XRCC4: variants seen among roughly 807,000 people sequenced by gnomAD.
XRCC4 encodes DNA repair protein XRCC4.
A neutral mutation model predicts 39.1 loss-of-function variants in XRCC4; 28 were observed. That is an observed-to-expected ratio of 0.72 (90% CI 0.53 to 0.98). The LOEUF (loss-of-function observed/expected upper bound fraction) is 0.98. Among genes scored for constraint, XRCC4 ranks in the 50% least tolerant of loss-of-function variants. The pLI is 0.00. For synonymous variants in XRCC4, 123 were observed against 126.4 expected, an observed-to-expected ratio of 0.97 and a Z score of 0.18; for missense variants, 350 against 376.4, an observed-to-expected ratio of 0.93 and a Z score of 0.58.
At chr5:83,146,788 C>G (rs1316145029) in intron 3 of XRCC4, among the ~76,000 whole-genome samples, 2 of 152,274 alleles carry the variant, frequency 1.3e-5, no homozygotes, top group East Asian at 3.9e-4. Context: ...TCCATTATTT[C>G]TCTTATTTTT....
At chr5:83,173,711 A>T (rs1309959891) in intron 3 of XRCC4, among the ~76,000 whole-genome samples, 1 of 152,158 alleles carries the variant, frequency 6.6e-6, no homozygotes. Flanking sequence ...TATAGGACTA[A>T]TATGTAGTGA....
chr5:83,351,740 C>T (rs913375473), intron 7 of XRCC4, among the ~76,000 whole-genome samples: 7 of 152,130 alleles, frequency 4.6e-5, no homozygotes, highest in African/African-American at 1.4e-4. Context: ...AATTGGCTTG[C>T]TCAGAATAAG....
chr5:83,159,751 A>C (rs1223540480), intron 3 of XRCC4, among the ~76,000 whole-genome samples: 2 of 152,214 alleles, frequency 1.3e-5, no homozygotes, highest in East Asian at 3.8e-4. Flanking sequence ...CAATGCATTG[A>C]AACATTGTTG....
intron 6 of XRCC4, among the ~76,000 whole-genome samples, chr5:83,256,798 T>C (rs1303814419): frequency 6.6e-6 from 1 of 152,124 alleles, no homozygotes; most frequent in African/African-American, 2.4e-5. Flanking sequence ...ATTTACCAAC[T>C]AGGAAAAAAT....
chr5:83,119,918 A>G (rs1746916947), intron 3 of XRCC4, among the ~76,000 whole-genome samples: 1 of 150,426 alleles, frequency 6.6e-6, no homozygotes, highest in African/African-American at 2.4e-5. Flanking sequence ...TTGAGGCTGC[A>G]GTGAGATAAG....
At chr5:83,321,851 C>G (rs1055973665) in intron 7 of XRCC4, among the ~76,000 whole-genome samples, 8 of 151,666 alleles carry the variant, frequency 5.3e-5, no homozygotes, top group Non-Finnish European at 1.0e-4. Flanking sequence ...TCCTTATTAT[C>G]CATGATTAAG....
Position 83,111,142 on chromosome 5 carries a change from C to A in XRCC4, c.254C>A (p.Thr85Lys), listed in dbSNP as rs756247552. The A allele has an allele frequency of 1.2e-6, 2 of 1,604,606 alleles. No homozygotes were observed. Among genetic ancestry groups the A allele is most frequent in the Non-Finnish European group, 1.7e-6 (2 of 1,176,630 alleles). Residue 85 changes from threonine (T) to lysine (K), a missense_variant, in exon 3 of 8, where the codon ACG (threonine) becomes AAG (lysine). By Grantham distance (78) the Thr-to-Lys change is moderately conservative (BLOSUM62 -1). Coordinates refer to ENST00000396027, the MANE Select transcript of XRCC4 (RefSeq NM_003401.5). ...GGAGCAGGACCAGCTGATGTATACACGTTTAATTTTTCTAAAGAGTCTTGT... is the reference window on the plus strand; with the variant it reads ...GGAGCAGGACCAGCTGATGTATACAAGTTTAATTTTTCTAAAGAGTCTTGT... ...LSGAGPADVY[T>K]FNFSKESCYF...
intron 3 of XRCC4, among the ~76,000 whole-genome samples, chr5:83,194,677 A>G (rs1382595130): frequency 6.6e-6 from 1 of 152,170 alleles, no homozygotes; most frequent in Non-Finnish European, 1.5e-5. Context: ...AACAAAATCA[A>G]TTCTCATTTT....
At chr5:83,080,753 T>C (rs1466719220) in intron 1 of XRCC4, among the ~76,000 whole-genome samples, 1 of 152,170 alleles carries the variant, frequency 6.6e-6, no homozygotes, top group African/African-American at 2.4e-5. Flanking sequence ...CTTATTTTAC[T>C]TAATTATTGC....
chr5:83,256,578 A>C (rs1298885977), intron 6 of XRCC4, among the ~76,000 whole-genome samples: 8 of 151,952 alleles, frequency 5.3e-5, no homozygotes, highest in Non-Finnish European at 1.0e-4. Context: ...ATATACTTGT[A>C]CTTTCATTAG....
At chr5:83,273,252 G>A (rs1415271898) in intron 7 of XRCC4, among the ~76,000 whole-genome samples, 1 of 152,064 alleles carries the variant, frequency 6.6e-6, no homozygotes, top group African/African-American at 2.4e-5. Context: ...CATATCCTTT[G>A]CCTACTTTTT....
At position 83,276,066 on chromosome 5, in the gene XRCC4, T is replaced by C. The variant is rs28360268; in HGVS notation, c.893+17389T>C. Among the ~76,000 whole-genome samples the C allele has an allele frequency of 5.9e-4, 90 of 152,306 alleles. 1 individual carries two copies. The highest frequency in any genetic ancestry group is 1.2e-3 in the Non-Finnish European group (80 of 68,026). ...GTCTTGACTTAGGATTTTTTGACTT[T>C]ATGATGGTACAAAAGCAATATACAT... On this transcript the variant is annotated intron_variant, in intron 7 of 7. Transcript: ENST00000396027.
intron 3 of XRCC4, among the ~76,000 whole-genome samples, chr5:83,169,712 G>T (rs1561378133): frequency 6.6e-6 from 1 of 152,018 alleles, no homozygotes; most frequent in Non-Finnish European, 1.5e-5. Flanking sequence ...GGTCTCCTGT[G>T]TTCTTTTTGG....
At chr5:83,125,209 A>G (rs991743933) in intron 3 of XRCC4, among the ~76,000 whole-genome samples, 7 of 151,872 alleles carry the variant, frequency 4.6e-5, no homozygotes, top group African/African-American at 1.2e-4. Context: ...ATGTGAAACT[A>G]TTTTCTTCTA....
At chr5:83,321,636 A>G (rs967635517) in intron 7 of XRCC4, among the ~76,000 whole-genome samples, 21 of 152,142 alleles carry the variant, frequency 1.4e-4, no homozygotes, top group African/African-American at 4.6e-4. Context: ...CTGTACACAC[A>G]AACAACTTGA....
chr5:83,254,954 G>T (rs1294361975), intron 6 of XRCC4, among the ~76,000 whole-genome samples: 5 of 152,032 alleles, frequency 3.3e-5, no homozygotes, highest in Admixed American at 2.6e-4. Flanking sequence ...GGGCATGGTG[G>T]CAGGCTTCTG....
chr5:83,179,127 C>G (rs1750091482), intron 3 of XRCC4, among the ~76,000 whole-genome samples: 1 of 152,206 alleles, frequency 6.6e-6, no homozygotes, highest in African/African-American at 2.4e-5. Flanking sequence ...TTATCCATCT[C>G]TCCTTCTGGT....
chr5:83,202,653 C>T (rs1580364858), intron 4 of XRCC4, among the ~76,000 whole-genome samples: 1 of 151,636 alleles, frequency 6.6e-6, no homozygotes, highest in East Asian at 2.0e-4. Context: ...TATAAAAATA[C>T]TAGGATACCT....
At chr5:83,133,274 C>T (rs1747697659) in intron 3 of XRCC4, among the ~76,000 whole-genome samples, 2 of 152,124 alleles carry the variant, frequency 1.3e-5, no homozygotes, top group Admixed American at 1.3e-4. Flanking sequence ...GGGCACCTGG[C>T]CATCTGAGGT....
Sources: gnomAD v4.1 joint callset for allele counts (sites outside exome capture counted in the v4.1 genomes callset) on GRCh38, gnomAD v4.1.1 for gene constraint, MANE v1.5 for transcripts, NCBI Gene and HGNC (gene_info 2026-07-23, HGNC 2026-07-21) for gene names.